TRRAP: variants seen among roughly 807,000 people sequenced by gnomAD.
TRRAP encodes the protein transformation/transcription domain associated protein, also known as transformation/transcription domain-associated protein.
A neutral mutation model predicts 438.8 loss-of-function variants in TRRAP; 41 were observed. That is an observed-to-expected ratio of 0.09 (90% CI 0.07 to 0.12). TRRAP has a LOEUF of 0.12. Among genes scored for constraint, TRRAP ranks in the 10% least tolerant of loss-of-function variants. The pLI is 1.00. For missense variants in TRRAP, 3,122 were observed against 5,055.1 expected, an observed-to-expected ratio of 0.62 and a Z score of 11.60; for synonymous variants, 1,994 against 1,962.9, an observed-to-expected ratio of 1.02 and a Z score of -0.42.
intron 47 of TRRAP, among the ~76,000 whole-genome samples, chr7:98,963,819 G>A (rs1355645953): frequency 6.6e-6 from 1 of 152,164 alleles, no homozygotes; most frequent in Non-Finnish European, 1.5e-5. Flanking sequence ...AGTAACTCAC[G>A]CCTATAATCC....
chr7:98,913,838 AAGC>A (rs1312927201), intron 18 of TRRAP, among the ~76,000 whole-genome samples: 4 of 152,204 alleles, frequency 2.6e-5, no homozygotes, highest in Non-Finnish European at 4.4e-5. Flanking sequence ...ATATTACTAA[AAGC>A]AGCAGGTGGT....
At chr7:98,998,937 G>T in intron 67 of TRRAP, 1 of 564,026 alleles carries the variant, frequency 1.8e-6, no homozygotes, top group South Asian at 2.5e-5. Flanking sequence ...ACAAGGTACA[G>T]AAGGCAAAGT....
intron 13 of TRRAP, among the ~76,000 whole-genome samples, chr7:98,906,806 T>A (rs571776988): frequency 6.6e-6 from 1 of 152,264 alleles, no homozygotes; most frequent in African/African-American, 2.4e-5. Context: ...ATCAGAGTAA[T>A]CATCTTGATT....
chr7:98,895,815 G>C lies in TRRAP; in HGVS notation c.502G>C (p.Val168Leu). ...VKQIYKELPK[V>L]VNRYFENPQV... ...ACAGATTTACAAGGAGCTTCCAAAA[G>C]TAGTGGTATGTTTTTACTTTGGTTT... The change falls in exon 7 of 73, where the codon GTA becomes CTA. Residue 168 changes from valine (V) to leucine (L), a missense_variant. Around this residue, in one of 24 missense-constraint regions of TRRAP, gnomAD observed 343 missense variants for 564.0 expected, o/e 0.61. Coordinates refer to ENST00000456197, the MANE Select transcript of TRRAP (RefSeq NM_001375524.1). 1 of 1,603,964 alleles carries C rather than the reference G, an allele frequency of 6.2e-7. No individual in the cohort carries two copies. The highest frequency in any genetic ancestry group is 8.5e-7 in the Non-Finnish European group (1 of 1,175,664).
chr7:98,908,752 C>T lies in TRRAP; in HGVS notation c.1140C>T (p.Ala380=), dbSNP rs782303409. 4.8e-5 allele frequency: 75 copies of T among 1,558,284 alleles called. No individual in the cohort carries two copies. The South Asian group carries it at 5.8e-4, about 12-fold the overall frequency. The part of the protein sequence containing the change: ...TLRPLAYSTL[A]DLVHHVRQHL... ...GGCCCCTCGCCTACAGCACGCTGGC[C>T]GACCTCGTGCACCATGTCCGCCAGC... The change falls in exon 14 of 73, where the codon GCC becomes GCT. Residue 380 remains alanine, a synonymous_variant. Coordinates refer to ENST00000456197, the MANE Select transcript of TRRAP (RefSeq NM_001375524.1). This position sits in a 1 kb window ranked among gnomAD's most constrained non-coding sequence, Gnocchi z 4.1.
intron 39 of TRRAP, 128 bp downstream of exon 39, chr7:98,951,132 C>A: frequency 8.6e-7 from 1 of 1,156,192 alleles, no homozygotes; most frequent in Non-Finnish European, 1.1e-6. Context: ...TCCGCCAACA[C>A]GTTTATTTTT....
At position 98,910,053 on chromosome 7, in the gene TRRAP, T is replaced by C. The variant is rs782019424; in HGVS notation, c.1351-3T>C. On this transcript the variant is annotated splice_region_variant and splice_polypyrimidine_tract_variant and intron_variant, in intron 14 of 72. Transcript: ENST00000456197. ...TTCCCTCTTGAATTTCTCTTCCCGT[T>C]AGGTTTTCGTTCTCAAATTCCACAC... 6.5e-7 allele frequency: 1 copy of C among 1,539,826 alleles called. No individual in the cohort carries two copies. The highest frequency in any genetic ancestry group is 1.3e-5 in the South Asian group (1 of 78,344).
rs1554408046 is a variant in TRRAP, at chr7:98,908,966, C to T, written c.1350+4C>T. 13 of 1,611,212 alleles carry T rather than the reference C, an allele frequency of 8.1e-6. No individual in the cohort carries two copies. Among genetic ancestry groups the T allele is most frequent in the Non-Finnish European group, 1.0e-5 (12 of 1,178,416 alleles). ...CGTCCTGATGCGGATGCTGGAGGTA[C>T]CAGCTCTTCTGAGAGTATCATCCAT... On this transcript the variant is annotated splice_donor_region_variant and intron_variant, in intron 14 of 72. Coordinates refer to ENST00000456197, the MANE Select transcript of TRRAP (RefSeq NM_001375524.1). This position sits in a 1 kb window ranked among gnomAD's most constrained non-coding sequence, Gnocchi z 4.1.
intron 47 of TRRAP, among the ~76,000 whole-genome samples, chr7:98,964,136 A>G (rs539140597): frequency 2.0e-5 from 3 of 152,106 alleles, no homozygotes; most frequent in South Asian, 4.2e-4. Flanking sequence ...TGATTGTCAC[A>G]ATGCCAAATA....
At chr7:98,933,427 G>A in intron 27 of TRRAP, 25 bp downstream of exon 27, 1 of 1,604,724 alleles carries the variant, frequency 6.2e-7, no homozygotes. Context: ...GTGCGGAGTG[G>A]TGTGGATGGT....
intron 67 of TRRAP, among the ~76,000 whole-genome samples, chr7:99,000,679 G>T (rs572355400): frequency 9.8e-5 from 15 of 152,354 alleles, no homozygotes; most frequent in African/African-American, 3.1e-4. Flanking sequence ...CTGCCCCAGC[G>T]CTGGGATCAG....
chr7:98,980,244 C>T (rs1792852325), intron 58 of TRRAP, among the ~76,000 whole-genome samples: 1 of 152,096 alleles, frequency 6.6e-6, no homozygotes, highest in South Asian at 2.1e-4. Flanking sequence ...TGCATGCAGT[C>T]CTTGGGACAG....
At chr7:98,958,365 C>T (rs150200091) in intron 44 of TRRAP, among the ~76,000 whole-genome samples, 1,618 of 151,586 alleles carry the variant, frequency 0.011, 12 homozygotes, top group Non-Finnish European at 0.016. Flanking sequence ...TGCAGTGGTG[C>T]GATCTTGGCT....
Position 98,967,080 on chromosome 7 carries a change from A to T in TRRAP, c.7216A>T (p.Met2406Leu). The T allele has an allele frequency of 6.2e-7, 1 of 1,614,052 alleles. No homozygotes were observed. Among genetic ancestry groups the T allele is most frequent in the Non-Finnish European group, 8.5e-7 (1 of 1,179,970 alleles). Residue 2406 changes from methionine (M) to leucine (L), a missense_variant, in exon 50 of 73, where the codon ATG becomes TTG. Physicochemically the swap from Met to Leu is conservative, Grantham distance 15. Coordinates refer to ENST00000456197, the MANE Select transcript of TRRAP (RefSeq NM_001375524.1). ...GGAGAAGTCCATTTTGCTTGTGAAG[A>T]TGATGACTTACATAGAAAAACGCTT... ...LREKSILLVK[M>L]MTYIEKRFPE... is the part of the protein sequence containing the mutation.
chr7:98,991,383 CACCTGT>C (rs1259162759), intron 64 of TRRAP, among the ~76,000 whole-genome samples: 2 of 152,228 alleles, frequency 1.3e-5, no homozygotes, highest in Non-Finnish European at 2.9e-5. Flanking sequence ...CTGCACGCAG[CACCTGT>C]GCTATGTGGG....
At chr7:98,890,211 A>C in intron 3 of TRRAP, 124 bp from the exon 4 acceptor site, 1 of 460,924 alleles carries the variant, frequency 2.2e-6, no homozygotes, top group Non-Finnish European at 3.7e-6. Context: ...TAAATAATAC[A>C]AGTAGCACAA....
intron 20 of TRRAP, among the ~76,000 whole-genome samples, chr7:98,918,794 G>A (rs1442617480): frequency 6.6e-6 from 1 of 151,742 alleles, no homozygotes; most frequent in African/African-American, 2.4e-5. Flanking sequence ...TGTGGCTCAC[G>A]CCTGTAATCC....
At chr7:98,919,005 AAAAG>A (rs1789664427) in intron 20 of TRRAP, among the ~76,000 whole-genome samples, 2 of 152,188 alleles carry the variant, frequency 1.3e-5, no homozygotes, top group Middle Eastern at 3.4e-3. Flanking sequence ...AAAAAAGAAA[AAAAG>A]GTTGATATGT....
intron 44 of TRRAP, 79 bp downstream of exon 44, chr7:98,958,170 G>T (rs1554420314): frequency 8.8e-6 from 11 of 1,245,566 alleles, no homozygotes; most frequent in Non-Finnish European, 1.1e-6. Flanking sequence ...GTTATCTGTG[G>T]CAATTTCATC....
Sources: gnomAD v4.1 joint callset for allele counts (sites outside exome capture counted in the v4.1 genomes callset) on GRCh38, gnomAD v4.1.1 for gene constraint, gnomAD v4.1.1 regional missense constraint, Gnocchi (gnomAD v3.1) non-coding constraint, MANE v1.5 for transcripts, NCBI Gene and HGNC (gene_info 2026-07-23, HGNC 2026-07-21) for gene names.